FRMPD4: variants seen among roughly 807,000 people sequenced by gnomAD.
FRMPD4 encodes the protein FERM and PDZ domain-containing protein 4.
FRMPD4 carries 22 observed loss-of-function variants against 94.1 expected under a neutral mutation model. The observed-to-expected ratio is 0.23, with a 90% confidence interval of 0.17 to 0.33. The LOEUF is 0.33. FRMPD4 is among the 10% of genes least tolerant of loss of function. The pLI is 1.00. For missense variants in FRMPD4, 1,111 were observed against 1,339.9 expected (o/e 0.83, Z 2.67); for synonymous variants, 631 against 548.6 (o/e 1.15, Z -2.10).
At chrX:12,576,392 T>C (rs1198734922) in intron 2 of FRMPD4, among the ~76,000 whole-genome samples, 1 of 112,729 alleles carries the variant, frequency 8.9e-6, no homozygotes, top group Non-Finnish European at 1.9e-5. Flanking sequence ...AGAGCCCACA[T>C]TAATGCAGAT....
intron 1 of FRMPD4, among the ~76,000 whole-genome samples, chrX:12,337,645 C>G (rs758266692): frequency 8.0e-5 from 9 of 111,946 alleles, no homozygotes; most frequent in Non-Finnish European, 1.1e-4. Context: ...ATACTCTCCA[C>G]TTAGGATGGG....
intron 3 of FRMPD4, among the ~76,000 whole-genome samples, chrX:12,043,109 A>G (rs779274248): frequency 3.9e-4 from 44 of 111,620 alleles, no homozygotes; most frequent in African/African-American, 1.4e-3. Context: ...GCCTTTGGTC[A>G]CTTTTTGGAG....
At chrX:12,019,569 C>T (rs775474184) in intron 3 of FRMPD4, among the ~76,000 whole-genome samples, 25 of 111,040 alleles carry the variant, frequency 2.3e-4, no homozygotes, top group Non-Finnish European at 3.2e-4. Flanking sequence ...ATAGAGCTTT[C>T]GTGCTTCTAC....
intron 7 of FRMPD4, among the ~76,000 whole-genome samples, chrX:12,686,617 G>A (rs1333469187): frequency 9.0e-6 from 1 of 111,646 alleles, no homozygotes; most frequent in African/African-American, 3.3e-5. Flanking sequence ...CTACTTTGGT[G>A]TCCAGCAAAA....
intron 5 of FRMPD4, among the ~76,000 whole-genome samples, chrX:12,679,349 A>G (rs776359429): frequency 1.2e-4 from 13 of 111,912 alleles, no homozygotes; most frequent in Non-Finnish European, 2.3e-4. Context: ...CTGCATGCCA[A>G]GAGGAGGGGT....
intron 6 of FRMPD4, 41 bp downstream of exon 6, chrX:12,683,628 A>C: frequency 3.0e-6 from 2 of 668,248 alleles, no homozygotes; most frequent in South Asian, 2.5e-5. Context: ...AGGGAGAGTC[A>C]ATGAGGCAGA....
intron 1 of FRMPD4, among the ~76,000 whole-genome samples, chrX:12,143,060 T>C (rs2055713955): frequency 7.1e-5 from 8 of 112,476 alleles, no homozygotes. Context: ...GAAATGTATC[T>C]TTAAGGAATG....
intron 1 of FRMPD4, among the ~76,000 whole-genome samples, chrX:12,163,946 C>T (rs1416544292): frequency 8.9e-6 from 1 of 111,817 alleles, no homozygotes; most frequent in African/African-American, 3.2e-5. Context: ...CTTGCAGAAG[C>T]AGTTTTGTGC....
intron 4 of FRMPD4, among the ~76,000 whole-genome samples, chrX:12,658,007 A>T (rs774906235): frequency 8.9e-6 from 1 of 111,779 alleles, no homozygotes; most frequent in South Asian, 3.8e-4. Flanking sequence ...TGAAAGACAG[A>T]GGAGTTCTTT....
chrX:12,496,150 C>T (rs1397518704), intron 1 of FRMPD4, among the ~76,000 whole-genome samples: 3 of 112,070 alleles, frequency 2.7e-5, no homozygotes, highest in African/African-American at 9.7e-5. Flanking sequence ...TTTAAATTTT[C>T]AATAAATAAT....
At chrX:12,388,079 GA>G (rs1200263086) in intron 1 of FRMPD4, among the ~76,000 whole-genome samples, 1 of 110,633 alleles carries the variant, frequency 9.0e-6, no homozygotes, top group African/African-American at 3.3e-5. Flanking sequence ...TCAGAATAAT[GA>G]AAACTTCCGG....
intron 4 of FRMPD4, among the ~76,000 whole-genome samples, chrX:12,629,969 G>T (rs986428154): frequency 8.9e-6 from 1 of 112,574 alleles, no homozygotes; most frequent in Non-Finnish European, 1.9e-5. Flanking sequence ...CAGTTAAAAA[G>T]CTCTAAGACT....
chrX:12,505,705 C>A (rs2057974057), intron 2 of FRMPD4, among the ~76,000 whole-genome samples: 1 of 71,045 alleles, frequency 1.4e-5, no homozygotes, highest in Non-Finnish European at 2.4e-5. Context: ...CCAGCCTGGG[C>A]AACAAGAGCA....
At chrX:12,217,317 T>A (rs898763509) in intron 1 of FRMPD4, among the ~76,000 whole-genome samples, 2 of 111,570 alleles carry the variant, frequency 1.8e-5, no homozygotes, top group Non-Finnish European at 3.8e-5. Flanking sequence ...AGAAGGGAAG[T>A]AGATCATAAA....
chrX:12,485,659 C>T (rs763612001), intron 1 of FRMPD4, among the ~76,000 whole-genome samples: 4 of 111,345 alleles, frequency 3.6e-5, no homozygotes, highest in Non-Finnish European at 7.5e-5. Flanking sequence ...ATTTCACTGG[C>T]GGTCACCATG....
At chrX:12,266,160 A>AAAAAAAAAAAAAAAAAG (rs1569211566) in intron 1 of FRMPD4, among the ~76,000 whole-genome samples, 1 of 103,779 alleles carries the variant, frequency 9.6e-6, no homozygotes, top group African/African-American at 3.8e-5. Flanking sequence ...AAAAAAAAAA[A>AAAAAAAAAAAAAAAAAG]AGAGAAAACA....
chrX:12,204,337 G>A (rs2056666069), intron 1 of FRMPD4, among the ~76,000 whole-genome samples: 1 of 112,396 alleles, frequency 8.9e-6, no homozygotes. Context: ...GCAAAAAGGT[G>A]AGATAGAGTC....
At chrX:12,056,948 CTTCT>C (rs2054857914) in intron 3 of FRMPD4, among the ~76,000 whole-genome samples, 1 of 111,856 alleles carries the variant, frequency 8.9e-6, no homozygotes, top group Non-Finnish European at 1.9e-5. Context: ...AAAATAGAAG[CTTCT>C]TTGAGAATAA....
chrX:12,569,614 T>C (rs2058743551), intron 2 of FRMPD4, among the ~76,000 whole-genome samples: 2 of 112,648 alleles, frequency 1.8e-5, no homozygotes, highest in Non-Finnish European at 3.7e-5. Context: ...TGTTAACTTT[T>C]ACTAAGAGTT....
Sources: allele counts gnomAD v4.1 joint callset (sites outside exome capture counted in the v4.1 genomes callset), GRCh38; gene constraint gnomAD v4.1.1; transcripts MANE v1.5; gene names NCBI Gene and HGNC (gene_info 2026-07-23, HGNC 2026-07-21).